Variants in CAND2 observed in about 807,000 individuals in gnomAD.
CAND2 encodes the protein cullin associated and neddylation dissociated 2 (putative).
In CAND2, 62 loss-of-function variants were observed where a neutral mutation model predicts 98.9. The observed-to-expected ratio is 0.63, with a 90% CI of 0.51 to 0.77. The LOEUF (loss-of-function observed/expected upper bound fraction) is 0.77. Among genes scored for constraint, CAND2 ranks in the 30% least tolerant of loss-of-function variants. The pLI, the probability that CAND2 is intolerant of heterozygous loss-of-function variation, is 0.00. For missense variants in CAND2, 1,501 were observed against 1,655.2 expected, an observed-to-expected ratio of 0.91 and a Z score of 1.62; for synonymous variants, 770 against 731.9, an observed-to-expected ratio of 1.05 and a Z score of -0.84.
At chr3:12,812,142 C>G (rs1214280770) in intron 5 of CAND2, among the ~76,000 whole-genome samples, 1 of 151,298 alleles carries the variant, frequency 6.6e-6, no homozygotes, top group Non-Finnish European at 1.5e-5. Flanking sequence ...CTCCTGACCT[C>G]AGATGATCCA....
At position 12,813,076 on chromosome 3, in the gene CAND2, T is replaced by C. The variant is rs765187716; in HGVS notation, c.844T>C (p.Phe282Leu). 6.3e-7 allele frequency: 1 copy of C among 1,579,280 alleles called. No homozygotes were observed. The highest frequency in any genetic ancestry group is 8.6e-7 in the Non-Finnish European group (1 of 1,162,584). ...GCTCCGGGAGTCCTGCCTCCAGGCT[T>C]TTGAGGCCTTCTTGAGGAAGTATGT... is the stretch of plus-strand genomic sequence containing the variant. ...DELRESCLQA[F>L]EAFLRKCPKE... The change falls in exon 6 of 15, where the codon TTT (phenylalanine) becomes CTT (leucine). Residue 282 changes from phenylalanine (F) to leucine (L), a missense_variant. Phe to Leu is a conservative substitution (Grantham distance 22). Transcript: ENST00000456430.
In CAND2 at chr3:12,815,008, G is replaced by A. The variant is rs571239916; in HGVS notation, c.1007-133G>A. The A allele has an allele frequency of 2.4e-6, 2 of 820,732 alleles. No homozygotes were observed. Among genetic ancestry groups the A allele is most frequent in the Admixed American group, 2.7e-5 (1 of 37,334 alleles). The allele number at this position is 820,732 out of a possible 1,614,324, so 50.8% of individuals were successfully genotyped here. On this transcript the variant is annotated intron_variant, in intron 7 of 14. Coordinates refer to ENST00000456430, the MANE Select transcript of CAND2 (RefSeq NM_001162499.2). This position sits in a 1 kb window ranked among gnomAD's most constrained non-coding sequence, Gnocchi z 5.7. ...AAAAGGTAGGGAATGTTCCCCATAG[G>A]GTATCTATAAATGCTGATCATCAAA...
intron 3 of CAND2, 73 bp from the exon 4 acceptor site, chr3:12,808,137 A>T: frequency 6.5e-7 from 1 of 1,528,290 alleles, no homozygotes. Flanking sequence ...GCCAGAGCAG[A>T]GGCAGACTAG....
intron 12 of CAND2, among the ~76,000 whole-genome samples, chr3:12,827,007 A>T (rs1279300756): frequency 2.6e-5 from 4 of 151,630 alleles, no homozygotes; most frequent in Non-Finnish European, 5.9e-5. Flanking sequence ...ATTTTTTTGT[A>T]TTTTTAGTAG....
intron 12 of CAND2, 131 bp downstream of exon 12, chr3:12,825,770 C>T: frequency 2.1e-6 from 2 of 975,476 alleles, no homozygotes; most frequent in South Asian, 3.3e-5. Context: ...CCTGCCCTGA[C>T]TCCGAGCTGT....
At chr3:12,798,106 TG>T (rs5846788) in intron 1 of CAND2, among the ~76,000 whole-genome samples, 99,845 of 151,636 alleles carry the variant, frequency 0.66, 35,009 homozygotes, top group African/African-American at 0.91. Flanking sequence ...CTCTGAGGGT[TG>T]GGGTAAGGAT....
At chr3:12,827,057 T>G (rs2062008646) in intron 12 of CAND2, among the ~76,000 whole-genome samples, 1 of 152,004 alleles carries the variant, frequency 6.6e-6, no homozygotes, top group Admixed American at 6.6e-5. Context: ...GGCCTCAATC[T>G]CCTGACTTCA....
chr3:12,807,361 A>G lies in CAND2; in HGVS notation c.268A>G (p.Thr90Ala). The change falls in exon 3 of 15, where the codon ACC (threonine) becomes GCC (alanine). Residue 90 changes from threonine to alanine, a missense_variant. By Grantham distance (58) the Thr-to-Ala change is moderately conservative. Around this residue, in one of 3 missense-constraint regions of CAND2, gnomAD observed 1,427 missense variants for 1,545.3 expected, o/e 0.92. Transcript: ENST00000456430. ...KEYQVETIVDTLCTNMRSDKE... is the reference protein window; with the variant it reads ...KEYQVETIVDALCTNMRSDKE... ...GTACCAGGTGGAGACCATTGTGGACACCCTGTGCACCAACATGCGGTCAGA... is the reference window on the plus strand; with the variant it reads ...GTACCAGGTGGAGACCATTGTGGACGCCCTGTGCACCAACATGCGGTCAGA... The G allele has an allele frequency of 6.4e-7, 1 of 1,551,612 alleles. No homozygotes were observed. The highest frequency in any genetic ancestry group is 1.2e-5 in the South Asian group (1 of 84,058).
chr3:12,812,888 A>C (rs926469245), intron 5 of CAND2, 102 bp from the exon 6 acceptor site: 1 of 709,632 alleles, frequency 1.4e-6, no homozygotes, highest in African/African-American at 1.8e-5. Flanking sequence ...TTGAATCTAC[A>C]GTGGTCAGGG....
At position 12,810,068 on chromosome 3, in the gene CAND2, C is replaced by A. The variant is rs1201264700; in HGVS notation, c.501C>A (p.Val167=). The stretch of plus-strand genomic sequence containing the variant: ...CCCTCGTGCTCCCCAGGCTGGGTGT[C>A]CCGCTGGGCGCCTTCCACGCCAGCC... The part of the protein sequence containing the change: ...ILSDMLSRLG[V]PLGAFHASLL... Residue 167 remains valine (V), a synonymous_variant, in exon 5 of 15, where the codon GTC becomes GTA. Transcript: ENST00000456430. The A allele has an allele frequency of 7.7e-6, 11 of 1,426,084 alleles. No individual in the cohort carries two copies. The highest frequency in any genetic ancestry group is 1.5e-5 in the South Asian group (1 of 67,860). The allele number at this position is 1,426,084 out of a possible 1,614,324, so 88.3% of individuals were successfully genotyped here. A position where few individuals can be genotyped will look rare whatever the true frequency, so the allele number is the denominator to read the frequency against.
In CAND2 at chr3:12,803,504, G is replaced by A. The variant is rs1384678711; in HGVS notation, c.85G>A (p.Asp29Asn). The A allele has an allele frequency of 2.5e-6, 4 of 1,611,078 alleles. No individual in the cohort carries two copies. Among genetic ancestry groups the A allele is most frequent in the African/African-American group, 2.7e-5 (2 of 74,856 alleles). The part of the protein sequence containing the change: ...DKDFRFMATS[D>N]LMSELQKDSI... ...CCTGTGCAGGTTCATGGCCACCAGC[G>A]ACCTGATGTCGGAGTTGCAGAAGGA... is the stretch of plus-strand genomic sequence containing the variant. The change falls in exon 2 of 15, where the codon GAC becomes AAC. Residue 29 changes from aspartate to asparagine, a missense_variant. Transcript: ENST00000456430.
intron 13 of CAND2, among the ~76,000 whole-genome samples, chr3:12,828,123 C>G (rs1007787687): frequency 6.6e-6 from 1 of 152,150 alleles, no homozygotes; most frequent in African/African-American, 2.4e-5. Context: ...TGTTGAGTGG[C>G]AAGAGCTAGT....
rs375777676 is a variant in CAND2 at position 12,820,041 on chromosome 3, G to A, written c.2945-45G>A. 171 of 1,505,408 alleles carry A rather than the reference G, an allele frequency of 1.1e-4. No individual in the cohort carries two copies. The African/African-American group carries it at 2.1e-3, about 19-fold the overall frequency. The allele number at this position is 1,505,408 out of a possible 1,614,324, so 93.3% of individuals were successfully genotyped here. Reference sequence around the variant, plus strand: ...CACCTTCTGATCTGTGAGCCTCCAGGATTGGCCCCTGCCCCTCACTAACTC... The same window carrying A: ...CACCTTCTGATCTGTGAGCCTCCAGAATTGGCCCCTGCCCCTCACTAACTC... On this transcript the variant is annotated intron_variant, in intron 10 of 14. Transcript: ENST00000456430.
chr3:12,817,054 A>G lies in CAND2; in HGVS notation c.2122A>G (p.Met708Val). ...ELPALVNESD[M>V]HVAQLAVDFL... ...GCCTGCCCTGGTCAACGAGAGCGAC[A>G]TGCATGTGGCCCAGCTGGCTGTGGA... The change falls in exon 10 of 15, where the codon ATG becomes GTG. Residue 708 changes from methionine (M) to valine (V), a missense_variant. Physicochemically the swap from Met to Val is conservative, Grantham distance 21. Transcript: ENST00000456430. 6.2e-7 allele frequency: 1 copy of G among 1,612,964 alleles called. No individual in the cohort carries two copies. The highest frequency in any genetic ancestry group is 8.5e-7 in the Non-Finnish European group (1 of 1,179,942).
At chr3:12,831,932 C>T (rs1284071826) in intron 14 of CAND2, among the ~76,000 whole-genome samples, 1 of 152,166 alleles carries the variant, frequency 6.6e-6, no homozygotes, top group African/African-American at 2.4e-5. Flanking sequence ...AATCTCTCAC[C>T]TCCTTGTTGG....
intron 2 of CAND2, 85 bp from the exon 3 acceptor site, chr3:12,807,221 G>T (rs922441854): frequency 7.7e-7 from 1 of 1,299,482 alleles, no homozygotes; most frequent in Non-Finnish European, 1.1e-6. Context: ...ACGTGTGGCC[G>T]CAGGAGCATG....
At chr3:12,807,041 C>T in intron 2 of CAND2, 1 of 362,480 alleles carries the variant, frequency 2.8e-6, no homozygotes, top group Non-Finnish European at 5.0e-6. Flanking sequence ...GATGCACCCT[C>T]AAGTTTGAGA....
At chr3:12,814,731 G>A (rs1559552303) in intron 7 of CAND2, among the ~76,000 whole-genome samples, 1 of 152,124 alleles carries the variant, frequency 6.6e-6, no homozygotes, top group Admixed American at 6.5e-5. Context: ...AAGTCTACAT[G>A]AAGACTTGGA....
chr3:12,803,163 G>T (rs1559547458), intron 1 of CAND2, among the ~76,000 whole-genome samples: 3 of 151,932 alleles, frequency 2.0e-5, no homozygotes, highest in Admixed American at 6.6e-5. Context: ...CTAATTTTTT[G>T]TATTTTGTTT....
Sources: gnomAD v4.1 joint callset for allele counts (sites outside exome capture counted in the v4.1 genomes callset) on GRCh38, gnomAD v4.1.1 for gene constraint, gnomAD v4.1.1 regional missense constraint, Gnocchi (gnomAD v3.1) non-coding constraint, MANE v1.5 for transcripts, NCBI Gene and HGNC (gene_info 2026-07-23, HGNC 2026-07-21) for gene names.